Variants in EVC2 observed in about 807,000 individuals in gnomAD.
The protein encoded by EVC2 is limbin.
A neutral mutation model predicts 149.3 loss-of-function variants in EVC2; 148 were observed. That is an observed-to-expected ratio of 0.99 (90% CI 0.87 to 1.14). The LOEUF (loss-of-function observed/expected upper bound fraction) is 1.14. Among genes scored for constraint, EVC2 ranks in the 50% most tolerant of loss-of-function variants. The pLI is 0.00. For missense variants in EVC2, 1,854 were observed against 1,627.3 expected (o/e 1.14, Z -2.40); for synonymous variants, 776 against 649.9 (o/e 1.19, Z -2.95).
chr4:5,682,192 C>CAGT (rs1720393644), intron 6 of EVC2, among the ~76,000 whole-genome samples: 1 of 152,104 alleles, frequency 6.6e-6, no homozygotes, highest in Non-Finnish European at 1.5e-5. Context: ...GCAGCAGCAG[C>CAGT]AGTAGTAGCA....
At chr4:5,609,272 A>G (rs1397242690) in intron 16 of EVC2, among the ~76,000 whole-genome samples, 1 of 152,214 alleles carries the variant, frequency 6.6e-6, no homozygotes, top group African/African-American at 2.4e-5. Flanking sequence ...CATGATTAAT[A>G]TCATGATCAA....
chr4:5,617,256 C>T (rs1252589462), intron 15 of EVC2, among the ~76,000 whole-genome samples: 1 of 152,184 alleles, frequency 6.6e-6, no homozygotes, highest in African/African-American at 2.4e-5. Context: ...AGTTCTCTAC[C>T]TCCTATAGGG....
At chr4:5,659,946 T>C (rs1718773718) in intron 9 of EVC2, among the ~76,000 whole-genome samples, 2 of 152,258 alleles carry the variant, frequency 1.3e-5, no homozygotes, top group African/African-American at 4.8e-5. Flanking sequence ...TTCATTTTCA[T>C]GTTTTGTAAG....
chr4:5,692,530 A>G (rs1274878529), intron 3 of EVC2, among the ~76,000 whole-genome samples: 2 of 152,212 alleles, frequency 1.3e-5, no homozygotes, highest in African/African-American at 4.8e-5. Context: ...TCTTTCCACA[A>G]CATGCATTCC....
intron 21 of EVC2, among the ~76,000 whole-genome samples, chr4:5,546,392 AT>A (rs1218514740): frequency 6.6e-6 from 1 of 152,236 alleles, no homozygotes; most frequent in Non-Finnish European, 1.5e-5. Flanking sequence ...CCATAAAAAA[AT>A]GATGAGTTCA....
rs1275666162 is a variant in EVC2, at chr4:5,670,692, CATT to C, written c.871-5046_871-5044del. Among the ~76,000 whole-genome samples the C allele has an allele frequency of 4.6e-5, 7 of 152,082 alleles. No homozygotes were observed. The East Asian group carries it at 9.7e-4, about 21-fold the overall frequency. On this transcript the variant is annotated intron_variant, in intron 7 of 21. Coordinates refer to ENST00000344408, the MANE Select transcript of EVC2 (RefSeq NM_147127.5). This position sits in a 1 kb window ranked among gnomAD's most constrained non-coding sequence, Gnocchi z 5.2. Reference sequence around the variant, plus strand: ...CCTTCACCATGGCCATCACCACCATCATTATCAACATCATCAATATCTCCATCA... The same window carrying C: ...CCTTCACCATGGCCATCACCACCATCATCAACATCATCAATATCTCCATCA...
intron 1 of EVC2, among the ~76,000 whole-genome samples, chr4:5,700,705 A>C (rs1485626632): frequency 6.6e-6 from 1 of 151,634 alleles, no homozygotes; most frequent in Non-Finnish European, 1.5e-5. Context: ...GACTCCAGCC[A>C]CTCTGGGCAA....
At chr4:5,681,384 G>A (rs1429562306) in intron 6 of EVC2, 71 bp from the exon 7 acceptor site, 7 of 1,497,972 alleles carry the variant, frequency 4.7e-6, no homozygotes, top group South Asian at 2.3e-5. Flanking sequence ...CATTTGGTGC[G>A]ATTTCCAACC....
Position 5,625,976 on chromosome 4 carries a change from G to T in EVC2, c.1887-68C>A. 6.3e-7 allele frequency: 1 copy of T among 1,578,630 alleles called. No individual in the cohort carries two copies. On this transcript the variant is annotated intron_variant, in intron 12 of 21. Coordinates refer to ENST00000344408, the MANE Select transcript of EVC2 (RefSeq NM_147127.5). The surrounding 1 kb of genome is among the most constrained non-coding windows in gnomAD (Gnocchi z 4.0). Reference sequence around the variant, plus strand: ...TCACCTGTAGCTTAACTGCTATTGTGCCTGAACATTCATCTCCATATTAGT... The same window carrying T: ...TCACCTGTAGCTTAACTGCTATTGTTCCTGAACATTCATCTCCATATTAGT...
chr4:5,685,234 C>T, intron 6 of EVC2, 136 bp downstream of exon 6: 2 of 860,888 alleles, frequency 2.3e-6, no homozygotes, highest in Non-Finnish European at 3.9e-6. Flanking sequence ...GACTCCAGGG[C>T]CTATGCCCTT....
the EVC2 span, among the ~76,000 whole-genome samples, chr4:5,529,312 C>T: frequency 6.6e-6 from 1 of 152,162 alleles, no homozygotes; most frequent in Non-Finnish European, 1.5e-5. The surrounding 1 kb of genome is among the most constrained non-coding windows in gnomAD (Gnocchi z 4.5). Context: ...ATCTGTCTCG[C>T]TCCTGTGTCT....
intron 9 of EVC2, among the ~76,000 whole-genome samples, chr4:5,661,863 T>A (rs1324081333): frequency 6.6e-6 from 1 of 152,218 alleles, no homozygotes; most frequent in East Asian, 1.9e-4. Flanking sequence ...TCTCTCCAGT[T>A]CTCATCCATA....
rs1287814021 is a variant in EVC2, at chr4:5,614,794, A to G, written c.2829+628T>C. Among the ~76,000 whole-genome samples the G allele has an allele frequency of 6.6e-6, 1 of 151,402 alleles. No homozygotes were observed. The highest frequency in any genetic ancestry group is 2.4e-5 in the African/African-American group (1 of 40,998). ...GGAGTTTGAGACCAATCTGGCCAAC[A>G]TGGTGAAACCACATGTCTACTAAAA... On this transcript the variant is annotated intron_variant, in intron 16 of 21. Transcript: ENST00000344408. This position sits in a 1 kb window ranked among gnomAD's most constrained non-coding sequence, Gnocchi z 4.7.
At chr4:5,684,672 C>T (rs1409309359) in intron 6 of EVC2, among the ~76,000 whole-genome samples, 8 of 152,156 alleles carry the variant, frequency 5.3e-5, no homozygotes, top group Admixed American at 5.2e-4. Context: ...GGGAGACTCA[C>T]AGTAATGGTG....
At chr4:5,624,450 T>A (rs1021886515) in intron 13 of EVC2, among the ~76,000 whole-genome samples, 8 of 152,202 alleles carry the variant, frequency 5.3e-5, no homozygotes, top group African/African-American at 1.9e-4. Context: ...TCTACAAATA[T>A]GTATTGAGCA....
chr4:5,594,539 A>C (rs1336932074), intron 16 of EVC2, among the ~76,000 whole-genome samples: 3 of 152,290 alleles, frequency 2.0e-5, no homozygotes, highest in Admixed American at 2.0e-4. Context: ...AAACTAACAA[A>C]CAGAAAGGAC....
chr4:5,683,962 G>T (rs921817001), intron 6 of EVC2, among the ~76,000 whole-genome samples: 1 of 152,070 alleles, frequency 6.6e-6, no homozygotes, highest in Non-Finnish European at 1.5e-5. Flanking sequence ...AGCTGCCCGG[G>T]GCTTCAGCTC....
At chr4:5,699,307 G>A (rs78135146) in intron 1 of EVC2, among the ~76,000 whole-genome samples, 2,623 of 152,242 alleles carry the variant, frequency 0.017, 70 homozygotes, top group African/African-American at 0.06. Context: ...TTGTTCACAC[G>A]GAGCTTATGT....
intron 16 of EVC2, among the ~76,000 whole-genome samples, chr4:5,595,093 T>G (rs557523028): frequency 6.6e-6 from 1 of 152,292 alleles, no homozygotes; most frequent in African/African-American, 2.4e-5. Flanking sequence ...TACGTCTGAT[T>G]GGTGTACGTG....
Sources: allele counts gnomAD v4.1 joint callset (sites outside exome capture counted in the v4.1 genomes callset), GRCh38; gene constraint gnomAD v4.1.1; non-coding constraint Gnocchi (gnomAD v3.1); transcripts MANE v1.5; gene names NCBI Gene and HGNC (gene_info 2026-07-23, HGNC 2026-07-21).